PDE9A: variants seen among roughly 807,000 people sequenced by gnomAD.
The protein encoded by PDE9A is phosphodiesterase 9A, also known as high affinity cGMP-specific 3',5'-cyclic phosphodiesterase 9A.
PDE9A carries 60 observed loss-of-function variants against 87.4 expected under a neutral mutation model. The observed-to-expected ratio is 0.69, with a 90% CI of 0.56 to 0.85. The LOEUF (loss-of-function observed/expected upper bound fraction) is 0.85. PDE9A is among the 40% of genes least tolerant of loss of function. PDE9A has a pLI of 0.00. For missense variants in PDE9A, 665 were observed against 779.0 expected (o/e 0.85, Z 1.74); for synonymous variants, 272 against 279.4 (o/e 0.97, Z 0.27).
intron 4 of PDE9A, among the ~76,000 whole-genome samples, chr21:42,725,104 G>C (rs551295806): frequency 6.6e-6 from 1 of 152,136 alleles, no homozygotes; most frequent in East Asian, 1.9e-4. Context: ...ACCGTGACAC[G>C]GTCCAGATCC....
intron 10 of PDE9A, chr21:42,757,765 T>G (rs2055233191): frequency 6.6e-6 from 1 of 152,186 alleles, no homozygotes; most frequent in Non-Finnish European, 1.5e-5. Flanking sequence ...TGGCCTGTTC[T>G]CTCGGCACAT....
intron 3 of PDE9A, among the ~76,000 whole-genome samples, chr21:42,689,315 G>A (rs953019566): frequency 2.0e-5 from 3 of 152,200 alleles, no homozygotes; most frequent in Non-Finnish European, 4.4e-5. Context: ...CCCTAGCCAG[G>A]ATGCCCGTCT....
intron 4 of PDE9A, among the ~76,000 whole-genome samples, chr21:42,726,835 T>C (rs936438183): frequency 1.3e-5 from 2 of 150,546 alleles, no homozygotes; most frequent in Non-Finnish European, 3.0e-5. Flanking sequence ...TGCTTTTACA[T>C]CTGGGTCAAA....
intron 1 of PDE9A, among the ~76,000 whole-genome samples, chr21:42,663,561 A>G (rs1013811446): frequency 6.6e-5 from 10 of 152,138 alleles, no homozygotes; most frequent in African/African-American, 2.4e-4. Flanking sequence ...TTGAGCTTGG[A>G]GGGTATGGGC....
At chr21:42,775,135 T>C in intron 19 of PDE9A, 145 bp from the exon 20 acceptor site, 1 of 651,624 alleles carries the variant, frequency 1.5e-6, no homozygotes, top group South Asian at 1.9e-5. Context: ...AGAGACAGGG[T>C]TTCACCATGT....
In PDE9A at chr21:42,687,967, A is replaced by G. The variant is rs1419515848; in HGVS notation, c.191A>G (p.Asp64Gly). Residue 64 changes from aspartate to glycine, a missense_variant, in exon 3 of 20, where the codon GAC becomes GGC. Asp to Gly is a moderately conservative substitution (Grantham distance 94). Transcript: ENST00000291539. ...ACCGACGACGCCATGGTCTCCATCG[A>G]CCCCACCATGCCCGCGAATTCAGAA... is the stretch of plus-strand genomic sequence containing the variant. ...LTTDDAMVSI[D>G]PTMPANSERT... 3.1e-6 allele frequency: 5 copies of G among 1,612,656 alleles called. No homozygotes were observed. In the African/African-American group the frequency reaches 6.7e-5, roughly 22 times the overall value.
rs535063877 is a variant in PDE9A at position 42,696,612 on chromosome 21, C to G, written c.219-2356C>G. Among the ~76,000 whole-genome samples the G allele has an allele frequency of 2.9e-3, 446 of 152,248 alleles. 1 individual carries two copies. Among genetic ancestry groups the G allele is most frequent in the Non-Finnish European group, 4.6e-3 (312 of 68,002 alleles). On this transcript the variant is annotated intron_variant, in intron 3 of 19. Transcript: ENST00000291539. This position sits in a 1 kb window ranked among gnomAD's most constrained non-coding sequence, Gnocchi z 5.1. ...CTGAGAAGAGGAAGGAAGGAGGATC[C>G]AAGAGGAGCCCAGCACACCCGGCTT...
intron 4 of PDE9A, among the ~76,000 whole-genome samples, chr21:42,718,862 A>G (rs2050201346): frequency 6.6e-6 from 1 of 151,660 alleles, no homozygotes; most frequent in South Asian, 2.1e-4. Flanking sequence ...TATGAATAAC[A>G]CCTAGGAGAG....
chr21:42,687,814 G>T, intron 2 of PDE9A, 103 bp from the exon 3 acceptor site: 1 of 983,052 alleles, frequency 1.0e-6, no homozygotes, highest in Non-Finnish European at 1.6e-6. Context: ...GCTGGTCCTG[G>T]GACTGTCCTG....
At chr21:42,665,865 T>C (rs1334046182) in intron 1 of PDE9A, among the ~76,000 whole-genome samples, 1 of 152,120 alleles carries the variant, frequency 6.6e-6, no homozygotes, top group Non-Finnish European at 1.5e-5. Context: ...GGGATGAAGC[T>C]TCTCCCGCGT....
At chr21:42,727,730 A>G (rs1241620871) in intron 4 of PDE9A, among the ~76,000 whole-genome samples, 1 of 152,108 alleles carries the variant, frequency 6.6e-6, no homozygotes, top group Non-Finnish European at 1.5e-5. Flanking sequence ...CACCCTGCAA[A>G]CTTGCTAAAC....
At chr21:42,711,258 G>GT (rs35475222) in intron 4 of PDE9A, among the ~76,000 whole-genome samples, 34,807 of 136,308 alleles carry the variant, frequency 0.26, 4,516 homozygotes, top group East Asian at 0.39. Context: ...AATAAGTTTT[G>GT]TTTTTTTTTT....
At chr21:42,686,745 GC>G (rs2059498079) in intron 2 of PDE9A, among the ~76,000 whole-genome samples, 1 of 152,170 alleles carries the variant, frequency 6.6e-6, no homozygotes, top group African/African-American at 2.4e-5. Context: ...AACCCTGGAG[GC>G]AGAGGTTGTA....
chr21:42,720,706 T>C (rs1418257027), intron 4 of PDE9A, among the ~76,000 whole-genome samples: 1 of 151,322 alleles, frequency 6.6e-6, no homozygotes, highest in Non-Finnish European at 1.5e-5. Flanking sequence ...CCCTGCAGGT[T>C]ATAAGGAGGA....
At chr21:42,662,805 C>CCACACACACG (rs768907355) in intron 1 of PDE9A, among the ~76,000 whole-genome samples, 1 of 139,512 alleles carries the variant, frequency 7.2e-6, no homozygotes, top group Admixed American at 7.1e-5. Context: ...CACACACACA[C>CCACACACACG]CACACACACG....
At chr21:42,665,457 G>T (rs549313967) in intron 1 of PDE9A, among the ~76,000 whole-genome samples, 66 of 152,170 alleles carry the variant, frequency 4.3e-4, no homozygotes, top group Non-Finnish European at 7.2e-4. Flanking sequence ...GAGACCCCTG[G>T]CTACACCCTG....
At chr21:42,686,333 G>T in intron 2 of PDE9A, 71 bp downstream of exon 2, 1 of 1,308,012 alleles carries the variant, frequency 7.6e-7, no homozygotes, top group South Asian at 1.2e-5. Context: ...TGGCTGGGAG[G>T]GGCGGGAAGA....
rs568636624 is a variant in PDE9A, at chr21:42,760,470, C to T, written c.1002+38C>T. ...CGCTGCACACCCAGACCTCTACTCT[C>T]GGGGGTCAGACGGAGGCCCCCTTCC... On this transcript the variant is annotated intron_variant, in intron 12 of 19. Coordinates refer to ENST00000291539, the MANE Select transcript of PDE9A (RefSeq NM_002606.3). This position sits in a 1 kb window ranked among gnomAD's most constrained non-coding sequence, Gnocchi z 5.2. 2.2e-5 allele frequency: 28 copies of T among 1,283,674 alleles called. No individual in the cohort carries two copies. The highest frequency in any genetic ancestry group is 7.3e-5 in the African/African-American group (5 of 68,874). 79.5% of individuals were successfully genotyped at this position (1,283,674 alleles called of 1,614,324 possible). A position where few individuals can be genotyped will look rare whatever the true frequency, so the allele number is the denominator to read the frequency against.
intron 17 of PDE9A, among the ~76,000 whole-genome samples, chr21:42,769,541 C>T (rs879153527): frequency 6.7e-5 from 9 of 133,552 alleles, no homozygotes; most frequent in African/African-American, 1.2e-4. Context: ...CACACAGGCA[C>T]ACAAATGCAC....
Sources: allele counts gnomAD v4.1 joint callset (sites outside exome capture counted in the v4.1 genomes callset), GRCh38; gene constraint gnomAD v4.1.1; non-coding constraint Gnocchi (gnomAD v3.1); transcripts MANE v1.5; gene names NCBI Gene and HGNC (gene_info 2026-07-23, HGNC 2026-07-21).